Variants in PTK2 observed in about 807,000 individuals in gnomAD.
PTK2 encodes protein tyrosine kinase 2.
Under a neutral mutation model 150.1 loss-of-function variants are expected in PTK2, and 45 were observed. The observed-to-expected ratio is 0.30, with a 90% CI of 0.24 to 0.38. PTK2 has a LOEUF of 0.38. Ranked by LOEUF, PTK2 falls within the 10% of genes least tolerant of loss-of-function variation. PTK2 has a pLI of 1.00. For synonymous variants in PTK2, 432 were observed against 449.2 expected, an observed-to-expected ratio of 0.96 and a Z score of 0.48; for missense variants, 919 against 1,307.3, an observed-to-expected ratio of 0.70 and a Z score of 4.58.
At chr8:140,664,207 C>A (rs990665126) in intron 31 of PTK2, among the ~76,000 whole-genome samples, 2 of 152,220 alleles carry the variant, frequency 1.3e-5, no homozygotes, top group Non-Finnish European at 2.9e-5. Flanking sequence ...TGGTCTCGAT[C>A]TCTTGACCTC....
chr8:140,735,815 T>C (rs543480668), intron 21 of PTK2, among the ~76,000 whole-genome samples: 4 of 152,326 alleles, frequency 2.6e-5, no homozygotes, highest in African/African-American at 7.2e-5. Flanking sequence ...TCTCATCTAT[T>C]TATAATTAGA....
intron 1 of PTK2, among the ~76,000 whole-genome samples, chr8:140,980,559 T>A (rs1041516458): frequency 6.6e-6 from 1 of 151,108 alleles, no homozygotes; most frequent in African/African-American, 2.4e-5. Context: ...GAGGCGGAGG[T>A]TGCAGTGAGC....
chr8:140,696,064 GT>G (rs2100026365), intron 26 of PTK2, among the ~76,000 whole-genome samples: 1 of 152,056 alleles, frequency 6.6e-6, no homozygotes, highest in Non-Finnish European at 1.5e-5. Flanking sequence ...GGCCTCTAAC[GT>G]TTAGATGCTT....
chr8:140,892,686 C>T (rs1422039248), intron 2 of PTK2: 1 of 386,428 alleles, frequency 2.6e-6, no homozygotes, highest in East Asian at 8.2e-5. Context: ...AATTATAAAC[C>T]AAGTCAAAAG....
intron 2 of PTK2, among the ~76,000 whole-genome samples, chr8:140,911,052 T>C (rs1229255719): frequency 6.6e-6 from 1 of 151,860 alleles, no homozygotes; most frequent in East Asian, 1.9e-4. Context: ...CTAAATTTTT[T>C]TTTTTTTTTT....
chr8:140,702,252 C>T (rs1004357674), intron 25 of PTK2, among the ~76,000 whole-genome samples: 8 of 131,520 alleles, frequency 6.1e-5, no homozygotes, highest in African/African-American at 2.0e-4. Flanking sequence ...CAAGCTCTTG[C>T]TCTGTTGCCC....
At chr8:140,874,294 A>C (rs1215046558) in intron 4 of PTK2, among the ~76,000 whole-genome samples, 1 of 152,250 alleles carries the variant, frequency 6.6e-6, no homozygotes, top group African/African-American at 2.4e-5. Flanking sequence ...ATTCAACAGT[A>C]TGAATAGACT....
At chr8:140,743,306 C>G (rs2100056740) in exon 20 of PTK2, 1 of 1,613,042 alleles carries the variant, frequency 6.2e-7, no homozygotes, top group African/African-American at 1.3e-5. Context: ...TTGAGGACAC[C>G]AGAACATTCC....
At chr8:140,971,168 T>C (rs1027154039) in intron 1 of PTK2, among the ~76,000 whole-genome samples, 1 of 152,186 alleles carries the variant, frequency 6.6e-6, no homozygotes, top group Non-Finnish European at 1.5e-5. Context: ...TTTAGTACAA[T>C]CTGAAGTGGA....
At chr8:140,942,863 G>A (rs895511584) in intron 1 of PTK2, among the ~76,000 whole-genome samples, 2 of 152,084 alleles carry the variant, frequency 1.3e-5, no homozygotes, top group African/African-American at 4.8e-5. Context: ...TTTGGATCAC[G>A]GGGGCGTATT....
At position 140,781,125 on chromosome 8, in the gene PTK2, G is replaced by A. The variant is rs148489702; in HGVS notation, c.1177+8349C>T. Reference sequence around the variant, plus strand: ...TGTATAGCTATAAGCTACAAACGGGGTGGGGGAAGACTTGAGGTCAAACTC... The same window carrying A: ...TGTATAGCTATAAGCTACAAACGGGATGGGGGAAGACTTGAGGTCAAACTC... On this transcript the variant is annotated intron_variant, in intron 14 of 31. Coordinates refer to ENST00000522684, the Ensembl canonical transcript of PTK2. Among the ~76,000 whole-genome samples the A allele has an allele frequency of 4.5e-3, 682 of 152,234 alleles. 4 individuals carry two copies. The highest frequency in any genetic ancestry group is 0.016 in the African/African-American group (645 of 41,528).
chr8:140,661,205 A>G (rs766227782), intron 31 of PTK2, among the ~76,000 whole-genome samples: 2 of 152,192 alleles, frequency 1.3e-5, no homozygotes, highest in Non-Finnish European at 2.9e-5. Context: ...GATTTTTAAG[A>G]AGGAGAATGA....
At chr8:140,716,387 T>C (rs191660716) in intron 23 of PTK2, among the ~76,000 whole-genome samples, 1 of 152,174 alleles carries the variant, frequency 6.6e-6, no homozygotes, top group Non-Finnish European at 1.5e-5. Flanking sequence ...TAACTAAGGA[T>C]TTCCTGTTGT....
chr8:140,974,504 G>T (rs906147924), intron 1 of PTK2, among the ~76,000 whole-genome samples: 5 of 152,174 alleles, frequency 3.3e-5, no homozygotes, highest in Admixed American at 3.3e-4. Flanking sequence ...CGGAAAGGAG[G>T]AGAAACTAGG....
chr8:140,829,375 G>C (rs892890887), intron 8 of PTK2, among the ~76,000 whole-genome samples: 4 of 152,188 alleles, frequency 2.6e-5, no homozygotes, highest in African/African-American at 9.7e-5. Context: ...CCAGATATCT[G>C]AATACAGAGC....
intron 1 of PTK2, among the ~76,000 whole-genome samples, chr8:140,973,173 G>A (rs1041339002): frequency 2.6e-5 from 4 of 152,228 alleles, no homozygotes; most frequent in African/African-American, 9.6e-5. Flanking sequence ...GGCTTATGCA[G>A]TAAAGGATTA....
chr8:140,805,798 TC>T (rs1451946032), intron 10 of PTK2, among the ~76,000 whole-genome samples: 1 of 152,156 alleles, frequency 6.6e-6, no homozygotes. Flanking sequence ...TTTCCCTTCA[TC>T]CATGCTACTA....
intron 29 of PTK2, chr8:140,668,973 C>A (rs1381533287): frequency 6.5e-6 from 1 of 153,512 alleles, no homozygotes; most frequent in African/African-American, 2.4e-5. Flanking sequence ...CATCTGTTTG[C>A]AGGTCGTGAC....
chr8:140,774,723 A>C (rs2100077442), intron 14 of PTK2, among the ~76,000 whole-genome samples: 1 of 152,240 alleles, frequency 6.6e-6, no homozygotes, highest in Admixed American at 6.5e-5. Context: ...GATGCTGGCC[A>C]AAACCCACCA....
Sources: gnomAD v4.1 joint callset for allele counts (sites outside exome capture counted in the v4.1 genomes callset) on GRCh38, gnomAD v4.1.1 for gene constraint, MANE v1.5 for transcripts, NCBI Gene and HGNC (gene_info 2026-07-23, HGNC 2026-07-21) for gene names.